ARHGAP24: variants seen among roughly 807,000 people sequenced by gnomAD.
ARHGAP24 encodes Rho GTPase activating protein 24.
In ARHGAP24, 50 loss-of-function variants were observed where a neutral mutation model predicts 76.4. The observed-to-expected ratio is 0.65, with a 90% CI of 0.52 to 0.83. ARHGAP24 has a LOEUF of 0.83. ARHGAP24 is among the 40% of genes least tolerant of loss of function. ARHGAP24 has a pLI of 0.00. For synonymous variants in ARHGAP24, 345 were observed against 323.3 expected, an observed-to-expected ratio of 1.07 and a Z score of -0.72; for missense variants, 930 against 914.2, an observed-to-expected ratio of 1.02 and a Z score of -0.22.
chr4:85,661,832 A>G (rs1161816636), intron 2 of ARHGAP24, among the ~76,000 whole-genome samples: 1 of 152,042 alleles, frequency 6.6e-6, no homozygotes, highest in African/African-American at 2.4e-5. Context: ...CCATGTCCCT[A>G]CAAAGGACAT....
At chr4:85,736,237 A>G (rs908458412) in intron 3 of ARHGAP24, among the ~76,000 whole-genome samples, 5 of 152,218 alleles carry the variant, frequency 3.3e-5, no homozygotes, top group African/African-American at 1.2e-4. Flanking sequence ...CATTTTTCTT[A>G]TAGAAATAAT....
chr4:85,542,226 A>G (rs950322057), intron 1 of ARHGAP24, among the ~76,000 whole-genome samples: 1 of 152,202 alleles, frequency 6.6e-6, no homozygotes, highest in African/African-American at 2.4e-5. Context: ...TCCTAATCTT[A>G]TGTAGCGTAT....
At chr4:85,725,571 G>A (rs1725138612) in intron 3 of ARHGAP24, among the ~76,000 whole-genome samples, 1 of 152,192 alleles carries the variant, frequency 6.6e-6, no homozygotes, top group African/African-American at 2.4e-5. Flanking sequence ...GATACTGCTG[G>A]GGCATAGCCC....
chr4:85,713,386 T>A lies in ARHGAP24; in HGVS notation c.181-8499T>A, dbSNP rs1012084215. ...CAAGTAATATGTACTCATTATTTTT[T>A]AAAAATATATTTTAAATAGAAAAAT... On this transcript the variant is annotated intron_variant, in intron 2 of 9. Transcript: ENST00000395184. Among the ~76,000 whole-genome samples the A allele has an allele frequency of 2.8e-4, 43 of 152,296 alleles. 1 individual carries two copies. The highest frequency in any genetic ancestry group is 5.8e-4 in the East Asian group (3 of 5,196).
intron 4 of ARHGAP24, among the ~76,000 whole-genome samples, chr4:85,940,417 A>G (rs1361284126): frequency 1.3e-5 from 2 of 152,040 alleles, no homozygotes; most frequent in Non-Finnish European, 2.9e-5. Flanking sequence ...TGACAATTAC[A>G]GATGTCTTCC....
intron 3 of ARHGAP24, among the ~76,000 whole-genome samples, chr4:85,780,831 G>A (rs1442096500): frequency 6.6e-6 from 1 of 152,210 alleles, no homozygotes; most frequent in African/African-American, 2.4e-5. Flanking sequence ...CTGTAGTAGA[G>A]GTTGCCATGG....
chr4:85,675,135 G>C (rs1722933785), intron 2 of ARHGAP24, among the ~76,000 whole-genome samples: 1 of 152,180 alleles, frequency 6.6e-6, no homozygotes, highest in Non-Finnish European at 1.5e-5. Context: ...TCCTTTGGCA[G>C]GAGTGAAAAC....
chr4:85,692,154 C>T (rs533655757), intron 2 of ARHGAP24, among the ~76,000 whole-genome samples: 11 of 152,220 alleles, frequency 7.2e-5, no homozygotes, highest in African/African-American at 2.6e-4. Context: ...GAAAATGGAC[C>T]CCCAATCTCT....
rs138355321 is a variant in ARHGAP24 at position 85,772,896 on chromosome 4, T to A, written c.268+50924T>A. On this transcript the variant is annotated intron_variant, in intron 3 of 9. Transcript: ENST00000395184. The stretch of plus-strand genomic sequence containing the variant: ...TTTTGAAAATGTCCAAAATGTATGC[T>A]GCCCTCAAAGAGACAGGCAGTTTAG... Among the ~76,000 whole-genome samples the A allele has an allele frequency of 3.3e-5, 5 of 151,658 alleles. No homozygotes were observed. The East Asian group carries it at 1.0e-3, about 31-fold the overall frequency.
chr4:85,518,760 CATTG>C (rs1033492586), intron 1 of ARHGAP24, among the ~76,000 whole-genome samples: 37 of 152,240 alleles, frequency 2.4e-4, no homozygotes, highest in African/African-American at 8.7e-4. Flanking sequence ...TTTATCCACT[CATTG>C]ATTGATGGGC....
At chr4:85,932,838 C>G (rs1005660669) in intron 4 of ARHGAP24, among the ~76,000 whole-genome samples, 1 of 152,194 alleles carries the variant, frequency 6.6e-6, no homozygotes. Context: ...CAGGCTCTCT[C>G]TGTTGAAGTG....
At chr4:85,582,916 C>T (rs759350240) in intron 2 of ARHGAP24, among the ~76,000 whole-genome samples, 15 of 152,050 alleles carry the variant, frequency 9.9e-5, no homozygotes, top group Non-Finnish European at 1.8e-4. Flanking sequence ...CTTTATGTGG[C>T]TGGTCGGAAA....
At chr4:85,898,725 G>A (rs1734331291) in intron 3 of ARHGAP24, among the ~76,000 whole-genome samples, 1 of 152,058 alleles carries the variant, frequency 6.6e-6, no homozygotes, top group African/African-American at 2.4e-5. Flanking sequence ...AGAATTACTG[G>A]GATTTAATAT....
intron 2 of ARHGAP24, among the ~76,000 whole-genome samples, chr4:85,588,025 C>G (rs1181638030): frequency 6.6e-6 from 1 of 152,150 alleles, no homozygotes; most frequent in Non-Finnish European, 1.5e-5. Context: ...AGAAAGAAGA[C>G]TGTCATGCAA....
At chr4:85,810,437 C>G (rs1252636116) in intron 3 of ARHGAP24, among the ~76,000 whole-genome samples, 1 of 152,168 alleles carries the variant, frequency 6.6e-6, no homozygotes, top group Non-Finnish European at 1.5e-5. Flanking sequence ...GTGCCGTTGT[C>G]AGATGCGTGG....
chr4:85,893,978 T>C (rs1243014418), intron 3 of ARHGAP24, among the ~76,000 whole-genome samples: 99 of 139,302 alleles, frequency 7.1e-4, no homozygotes, highest in Non-Finnish European at 1.3e-3. Context: ...AGGGATAGCA[T>C]TGGGAGATAT....
intron 3 of ARHGAP24, among the ~76,000 whole-genome samples, chr4:85,835,017 G>T (rs1466071838): frequency 6.6e-6 from 1 of 152,108 alleles, no homozygotes; most frequent in African/African-American, 2.4e-5. Context: ...GATCTCATAA[G>T]CATATATTTT....
intron 3 of ARHGAP24, among the ~76,000 whole-genome samples, chr4:85,789,932 C>T (rs768992224): frequency 1.3e-5 from 2 of 152,118 alleles, no homozygotes; most frequent in Non-Finnish European, 2.9e-5. Context: ...TCATTGCTTA[C>T]GTTTCTGGAC....
intron 2 of ARHGAP24, among the ~76,000 whole-genome samples, chr4:85,638,653 C>G (rs922108010): frequency 1.3e-5 from 2 of 151,998 alleles, no homozygotes; most frequent in African/African-American, 4.8e-5. Context: ...TGTTGGGCAC[C>G]TTATCAGGCT....
Sources: allele counts gnomAD v4.1 joint callset (sites outside exome capture counted in the v4.1 genomes callset), GRCh38; gene constraint gnomAD v4.1.1; transcripts MANE v1.5; gene names NCBI Gene and HGNC (gene_info 2026-07-23, HGNC 2026-07-21).